PARVA: variants seen among roughly 807,000 people sequenced by gnomAD.
PARVA encodes parvin alpha.
Under a neutral mutation model 52.6 loss-of-function variants are expected in PARVA, and 25 were observed. That is an observed-to-expected ratio of 0.48 (90% CI 0.35 to 0.66). The LOEUF is 0.66. PARVA is among the 30% of genes least tolerant of loss of function. The probability of loss-of-function intolerance (pLI) is 0.01; values close to 1 mark genes in which losing one functional copy is unlikely to be tolerated. For missense variants in PARVA, 373 were observed against 450.9 expected, an observed-to-expected ratio of 0.83 and a Z score of 1.56; for synonymous variants, 185 against 179.1, an observed-to-expected ratio of 1.03 and a Z score of -0.26.
At chr11:12,516,484 C>G (rs994561589) in intron 10 of PARVA, among the ~76,000 whole-genome samples, 1 of 152,116 alleles carries the variant, frequency 6.6e-6, no homozygotes, top group Admixed American at 6.5e-5. Context: ...CTCACTTCAC[C>G]CAGCCCTAAG....
chr11:12,515,196 A>C (rs1232400721), intron 10 of PARVA, among the ~76,000 whole-genome samples: 1 of 152,118 alleles, frequency 6.6e-6, no homozygotes, highest in Non-Finnish European at 1.5e-5. Flanking sequence ...ATACTTAACT[A>C]ATCTTTATTG....
At chr11:12,439,274 T>A (rs1469816558) in intron 1 of PARVA, among the ~76,000 whole-genome samples, 1 of 152,166 alleles carries the variant, frequency 6.6e-6, no homozygotes, top group East Asian at 1.9e-4. Flanking sequence ...GTGGTTCTAC[T>A]AATTCTTCCC....
chr11:12,400,620 T>C (rs1443913767), intron 1 of PARVA, among the ~76,000 whole-genome samples: 3 of 152,188 alleles, frequency 2.0e-5, no homozygotes, highest in South Asian at 2.1e-4. Context: ...GGACTTTTCT[T>C]GAGTATTTCC....
At position 12,535,177 on chromosome 11, in the gene PARVA, T is replaced by C. The variant is rs1941819257; in HGVS notation, c.*7252T>C. On this transcript the variant is annotated 3_prime_UTR_variant, in exon 13 of 13. Transcript: ENST00000334956. The stretch of plus-strand genomic sequence containing the variant: ...AATGTCCTCCTAGGCTGCATTGGAA[T>C]TGTGTGTTGTCTAGACCCATGGCCA... Among the ~76,000 whole-genome samples the C allele has an allele frequency of 6.6e-6, 1 of 152,180 alleles. No homozygotes were observed. The highest frequency in any genetic ancestry group is 2.1e-4 in the South Asian group (1 of 4,830).
At chr11:12,440,173 C>T (rs893345795) in intron 1 of PARVA, among the ~76,000 whole-genome samples, 4 of 152,306 alleles carry the variant, frequency 2.6e-5, no homozygotes, top group East Asian at 1.9e-4. Context: ...AAATGGCCAA[C>T]GACCAACTGG....
intron 3 of PARVA, among the ~76,000 whole-genome samples, chr11:12,474,499 CGTCTTATTCCCTGT>C (rs1308446048): frequency 2.0e-5 from 3 of 152,150 alleles, no homozygotes; most frequent in African/African-American, 7.2e-5. Flanking sequence ...TTCTCCCCTG[CGTCTTATTCCCTGT>C]CCTATGTTCC....
At chr11:12,479,936 T>C (rs1941064475) in intron 4 of PARVA, 2 of 152,142 alleles carry the variant, frequency 1.3e-5, no homozygotes, top group Non-Finnish European at 2.9e-5. Flanking sequence ...AATCAATGTA[T>C]ATTGAGGCTG....
At chr11:12,486,010 C>T (rs1398721857) in intron 4 of PARVA, among the ~76,000 whole-genome samples, 4 of 152,046 alleles carry the variant, frequency 2.6e-5, no homozygotes, top group Admixed American at 1.3e-4. Context: ...TATCCTAGAC[C>T]GTTTCCTGAA....
chr11:12,468,707 T>C (rs926329611), intron 1 of PARVA, among the ~76,000 whole-genome samples: 1 of 152,202 alleles, frequency 6.6e-6, no homozygotes, highest in Non-Finnish European at 1.5e-5. Context: ...ACCCCATCTT[T>C]CTATATTTTT....
At chr11:12,466,603 C>T (rs1940857447) in intron 1 of PARVA, among the ~76,000 whole-genome samples, 1 of 152,062 alleles carries the variant, frequency 6.6e-6, no homozygotes, top group South Asian at 2.1e-4. Flanking sequence ...CACGCCCGGC[C>T]TGTAGAGTAG....
chr11:12,522,892 T>C (rs751911824), intron 12 of PARVA, among the ~76,000 whole-genome samples: 40 of 152,008 alleles, frequency 2.6e-4, no homozygotes, highest in Non-Finnish European at 4.4e-4. Flanking sequence ...CGTATGTTGA[T>C]GCTAGGACTG....
chr11:12,377,770 G>A lies in PARVA; in HGVS notation c.123G>A (p.Lys41=). ...TCGGAGGGACCCTGGCCCGGAGGAA[G>A]AAAGCCAAGGAGGGTGAGTGCGGCC... ...GKLGGTLARR[K]KAKEVSELQE... Residue 41 remains lysine (K), a synonymous_variant, in exon 1 of 13, where the codon AAG becomes AAA. Coordinates refer to ENST00000334956, the MANE Select transcript of PARVA (RefSeq NM_018222.5). 2.0e-6 allele frequency: 3 copies of A among 1,516,768 alleles called. No individual in the cohort carries two copies. Among genetic ancestry groups the A allele is most frequent in the Non-Finnish European group, 1.8e-6 (2 of 1,136,364 alleles). 94.0% of individuals were successfully genotyped at this position (1,516,768 alleles called of 1,614,324 possible).
chr11:12,522,498 A>G (rs971479814), intron 12 of PARVA, among the ~76,000 whole-genome samples: 5 of 144,562 alleles, frequency 3.5e-5, no homozygotes, highest in African/African-American at 1.3e-4. Flanking sequence ...GGCTCACTGG[A>G]ACCTTCCCCT....
intron 1 of PARVA, among the ~76,000 whole-genome samples, chr11:12,428,226 C>A (rs886189156): frequency 6.6e-6 from 1 of 152,096 alleles, no homozygotes; most frequent in Non-Finnish European, 1.5e-5. Context: ...TAGGTATTGC[C>A]GGATTACCAG....
chr11:12,478,127 C>A (rs750193932), intron 4 of PARVA, 178 bp downstream of exon 4: 1 of 689,446 alleles, frequency 1.5e-6, no homozygotes. Context: ...TGGAATGTTT[C>A]ATATGAATGA....
At chr11:12,494,161 G>T (rs1303988353) in intron 4 of PARVA, among the ~76,000 whole-genome samples, 1 of 152,238 alleles carries the variant, frequency 6.6e-6, no homozygotes, top group Non-Finnish European at 1.5e-5. Context: ...GAGCTTCCAT[G>T]CTTTCTCATG....
intron 1 of PARVA, among the ~76,000 whole-genome samples, chr11:12,408,457 G>A (rs1939945715): frequency 6.6e-6 from 1 of 152,134 alleles, no homozygotes. Flanking sequence ...ACTTCACAAA[G>A]CTGGGGACTG....
At chr11:12,419,224 C>T (rs1161509779) in intron 1 of PARVA, among the ~76,000 whole-genome samples, 4 of 152,140 alleles carry the variant, frequency 2.6e-5, no homozygotes, top group Non-Finnish European at 5.9e-5. Context: ...CTCCTAAACC[C>T]TTTTCATCTT....
chr11:12,515,523 T>C (rs1941557378), intron 10 of PARVA, among the ~76,000 whole-genome samples: 1 of 152,178 alleles, frequency 6.6e-6, no homozygotes, highest in African/African-American at 2.4e-5. Flanking sequence ...TTTGGGTCTC[T>C]ACAGTTTTAT....
Sources: gnomAD v4.1 joint callset for allele counts (sites outside exome capture counted in the v4.1 genomes callset) on GRCh38, gnomAD v4.1.1 for gene constraint, MANE v1.5 for transcripts, NCBI Gene and HGNC (gene_info 2026-07-23, HGNC 2026-07-21) for gene names.